The following AKAP11 variants were observed in gnomAD, a reference collection of about 807,000 sequenced individuals.
The protein encoded by AKAP11 is A-kinase anchor protein 11.
AKAP11 carries 36 observed loss-of-function variants against 146.1 expected under a neutral mutation model. The ratio of observed to expected loss-of-function variants is 0.25; its 90% confidence interval spans 0.19 to 0.33. The LOEUF (loss-of-function observed/expected upper bound fraction) is 0.33, where lower values mean the gene tolerates loss of function less well. Among genes scored for constraint, AKAP11 ranks in the 10% least tolerant of loss-of-function variants. The pLI, the probability that AKAP11 is intolerant of heterozygous loss-of-function variation, is 1.00. For missense variants in AKAP11, 2,201 were observed against 2,197.0 expected, an observed-to-expected ratio of 1.00 and a Z score of -0.04; for synonymous variants, 780 against 786.5, an observed-to-expected ratio of 0.99 and a Z score of 0.14.
chr13:42,299,603 A>T lies in AKAP11; in HGVS notation c.857A>T (p.Asn286Ile). ...WTQRSFYRSS[N>I]ASDKDSDLQK... Reference sequence around the variant, plus strand: ...CAAAGGAGTTTCTATAGGTCATCTAATGCTTCAGATAAAGATAGTGATTTA... The same window carrying T: ...CAAAGGAGTTTCTATAGGTCATCTATTGCTTCAGATAAAGATAGTGATTTA... Residue 286 changes from asparagine (N) to isoleucine (I), a missense_variant, in exon 8 of 13, where the codon AAT (asparagine) becomes ATT (isoleucine). Around this residue, in one of 3 missense-constraint regions of AKAP11, gnomAD observed 331 missense variants for 347.4 expected, o/e 0.95. Transcript: ENST00000025301. The T allele has an allele frequency of 1.2e-6, 2 of 1,613,988 alleles. No individual in the cohort carries two copies. The highest frequency in any genetic ancestry group is 8.5e-7 in the Non-Finnish European group (1 of 1,179,896).
Position 42,320,554 on chromosome 13 carries a change from C to G in AKAP11, c.*1326C>G, listed in dbSNP as rs571273591. On this transcript the variant is annotated 3_prime_UTR_variant, in exon 13 of 13. Coordinates refer to ENST00000025301, the MANE Select transcript of AKAP11 (RefSeq NM_016248.4). Reference sequence around the variant, plus strand: ...CACTGTCTCTCACCTCCCCCACCCCCCACTCTCTCTCATCTCTCGCTGTGT... The same window carrying G: ...CACTGTCTCTCACCTCCCCCACCCCGCACTCTCTCTCATCTCTCGCTGTGT... The G allele has an allele frequency of 6.6e-6, 1 of 150,548 alleles. No homozygotes were observed. The highest frequency in any genetic ancestry group is 1.5e-5 in the Non-Finnish European group (1 of 67,596). The allele number at this position is 150,548 out of a possible 1,614,324, so 9.3% of individuals were successfully genotyped here.
chr13:42,312,908 T>A (rs1325525018), intron 9 of AKAP11, 139 bp from the exon 10 acceptor site: 1 of 676,304 alleles, frequency 1.5e-6, no homozygotes, highest in Non-Finnish European at 2.5e-6. Flanking sequence ...ATGGTCAATC[T>A]CCTCTCTGGA....
At chr13:42,294,927 A>G (rs1959420527) in intron 4 of AKAP11, among the ~76,000 whole-genome samples, 1 of 152,206 alleles carries the variant, frequency 6.6e-6, no homozygotes, top group African/African-American at 2.4e-5. Context: ...TGCAGGCTGT[A>G]AATCATTTTT....
At chr13:42,291,499 C>T (rs1173847843) in intron 3 of AKAP11, among the ~76,000 whole-genome samples, 1 of 152,114 alleles carries the variant, frequency 6.6e-6, no homozygotes, top group Non-Finnish European at 1.5e-5. Flanking sequence ...GTGATCCACC[C>T]GCCTCCCAAA....
In AKAP11 at chr13:42,300,804, G is replaced by A. The variant is rs1959836016; in HGVS notation, c.2058G>A (p.Val686=). 1 of 1,614,016 alleles carries A rather than the reference G, an allele frequency of 6.2e-7. No homozygotes were observed. Among genetic ancestry groups the A allele is most frequent in the South Asian group, 1.1e-5 (1 of 91,086 alleles). The part of the protein sequence containing the change: ...CGSFDFEDKV[V]KLYAKDLSES... ...CGTTTGACTTTGAAGACAAAGTAGT[G>A]AAGTTGTATGCAAAAGATTTGTCTG... Residue 686 remains valine, a synonymous_variant, in exon 8 of 13, where the codon GTG becomes GTA. Coordinates refer to ENST00000025301, the MANE Select transcript of AKAP11 (RefSeq NM_016248.4).
intron 3 of AKAP11, among the ~76,000 whole-genome samples, chr13:42,290,060 T>A (rs1343721376): frequency 6.6e-6 from 1 of 152,166 alleles, no homozygotes; most frequent in African/African-American, 2.4e-5. Flanking sequence ...TCAAGTATCC[T>A]TGTAACTTTT....
chr13:42,291,887 C>G (rs1566264191), intron 3 of AKAP11, among the ~76,000 whole-genome samples: 1 of 152,186 alleles, frequency 6.6e-6, no homozygotes, highest in Non-Finnish European at 1.5e-5. Context: ...CAGACAGCTT[C>G]CTTAAGATCC....
chr13:42,314,037 C>A, intron 11 of AKAP11, 97 bp downstream of exon 11: 1 of 1,172,400 alleles, frequency 8.5e-7, no homozygotes, highest in Non-Finnish European at 1.2e-6. Flanking sequence ...TCTAGGTTAT[C>A]AGTGTAAAAC....
chr13:42,313,743 A>G (rs1960676929), intron 10 of AKAP11, 151 bp from the exon 11 acceptor site: 1 of 643,406 alleles, frequency 1.6e-6, no homozygotes, highest in Non-Finnish European at 2.5e-6. Flanking sequence ...GTGAGAAGCA[A>G]AGCTTCCTTT....
Position 42,300,780 on chromosome 13 carries a change from G to A in AKAP11, c.2034G>A (p.Ser678=), listed in dbSNP as rs774661738. The A allele has an allele frequency of 1.4e-5, 22 of 1,613,988 alleles. 1 individual carries two copies. The African/African-American group carries it at 2.0e-4, about 15-fold the overall frequency. ...PQTPASPQCG[S]FDFEDKVVKL... ...CGCCTGCATCTCCACAGTGTGGGTC[G>A]TTTGACTTTGAAGACAAAGTAGTGA... is the stretch of plus-strand genomic sequence containing the variant. The change falls in exon 8 of 13, where the codon TCG becomes TCA. Residue 678 remains serine, a synonymous_variant. Transcript: ENST00000025301.
chr13:42,303,971 T>G, intron 8 of AKAP11, 108 bp downstream of exon 8: 2 of 1,332,148 alleles, frequency 1.5e-6, no homozygotes, highest in Non-Finnish European at 2.0e-6. Context: ...TAACCCTACA[T>G]AAACAAAAGT....
In AKAP11 at chr13:42,286,288, T is replaced by C. The variant is rs1256834956; in HGVS notation, c.-49-12T>C. The C allele has an allele frequency of 8.8e-7, 1 of 1,130,486 alleles. No homozygotes were observed. The highest frequency in any genetic ancestry group is 1.6e-5 in the African/African-American group (1 of 62,452). 70.0% of individuals were successfully genotyped at this position (1,130,486 alleles called of 1,614,324 possible). A position where few individuals can be genotyped will look rare whatever the true frequency, so the allele number is the denominator to read the frequency against. On this transcript the variant is annotated splice_polypyrimidine_tract_variant and intron_variant, in intron 2 of 12. Transcript: ENST00000025301. Reference sequence around the variant, plus strand: ...GATCAATAAATAAGTTGTTTTAATATGTTTTCTTTAGGTGTTTTGTGGATT... The same window carrying C: ...GATCAATAAATAAGTTGTTTTAATACGTTTTCTTTAGGTGTTTTGTGGATT...
intron 8 of AKAP11, among the ~76,000 whole-genome samples, chr13:42,308,048 A>T (rs990457268): frequency 6.6e-6 from 1 of 152,228 alleles, no homozygotes; most frequent in Non-Finnish European, 1.5e-5. Context: ...TTCTTGAACG[A>T]CTTTTTTGTT....
In AKAP11 at chr13:42,300,568, A is replaced by G; in HGVS notation, c.1822A>G (p.Lys608Glu). 1 of 1,613,940 alleles carries G rather than the reference A, an allele frequency of 6.2e-7. No individual in the cohort carries two copies. Among genetic ancestry groups the G allele is most frequent in the Non-Finnish European group, 8.5e-7 (1 of 1,179,874 alleles). Residue 608 changes from lysine (K) to glutamate (E), a missense_variant, in exon 8 of 13, where the codon AAA becomes GAA. Transcript: ENST00000025301. ...ELRRQRAFSL[K>E]ERAISGLANF... is the part of the protein sequence containing the mutation. ...GAGAAGGCAGCGTGCATTTTCACTAAAAGAACGTGCCATTAGTGGCCTGGC... is the reference window on the plus strand; with the variant it reads ...GAGAAGGCAGCGTGCATTTTCACTAGAAGAACGTGCCATTAGTGGCCTGGC...
At chr13:42,304,120 C>T (rs1022692941) in intron 8 of AKAP11, among the ~76,000 whole-genome samples, 6 of 152,118 alleles carry the variant, frequency 3.9e-5, no homozygotes, top group Admixed American at 2.0e-4. Flanking sequence ...ATCACCTTAT[C>T]CAAGTTCATA....
intron 11 of AKAP11, among the ~76,000 whole-genome samples, chr13:42,314,281 C>T (rs1021686502): frequency 4.6e-5 from 7 of 151,928 alleles, no homozygotes; most frequent in African/African-American, 1.7e-4. Flanking sequence ...CCCATCTCTA[C>T]TGAAAATGCA....
In AKAP11 at chr13:42,299,560, A is replaced by G. The variant is rs372888911; in HGVS notation, c.814A>G (p.Ile272Val). ...TGTGAAAACTTCAGTCACAACATCA[A>G]TTTCAGAGCCTTGGACCCAAAGGAG... The part of the protein sequence containing the change: ...PSVKTSVTTS[I>V]SEPWTQRSFY... The change falls in exon 8 of 13, where the codon ATT (isoleucine) becomes GTT (valine). Residue 272 changes from isoleucine (I) to valine (V), a missense_variant. Physicochemically the swap from Ile to Val is conservative, Grantham distance 29. Transcript: ENST00000025301. 26 of 1,613,858 alleles carry G rather than the reference A, an allele frequency of 1.6e-5. No homozygotes were observed. In the South Asian group the frequency reaches 1.8e-4, roughly 11 times the overall value.
chr13:42,294,674 T>C (rs928394691), intron 4 of AKAP11, among the ~76,000 whole-genome samples: 2 of 152,158 alleles, frequency 1.3e-5, no homozygotes, highest in African/African-American at 4.8e-5. Context: ...GTGCTGGGAT[T>C]ACAGACATGA....
At chr13:42,286,129 TTC>T (rs1433169683) in intron 2 of AKAP11, 94 bp downstream of exon 2, 2 of 342,854 alleles carry the variant, frequency 5.8e-6, no homozygotes, top group Non-Finnish European at 1.1e-5. Flanking sequence ...TCATATATTT[TTC>T]AAATATTCTT....
Sources: gnomAD v4.1 joint callset for allele counts (sites outside exome capture counted in the v4.1 genomes callset) on GRCh38, gnomAD v4.1.1 for gene constraint, gnomAD v4.1.1 regional missense constraint, MANE v1.5 for transcripts, NCBI Gene and HGNC (gene_info 2026-07-23, HGNC 2026-07-21) for gene names.